The following TNS3 variants were observed in gnomAD, a reference collection of about 807,000 sequenced individuals.
The protein encoded by TNS3 is tensin 3, also known as tensin-3.
In TNS3, 45 loss-of-function variants were observed where a neutral mutation model predicts 140.9. The ratio of observed to expected loss-of-function variants is 0.32; its 90% CI spans 0.25 to 0.41. The LOEUF (loss-of-function observed/expected upper bound fraction) is 0.41, where lower values mean the gene tolerates loss of function less well. TNS3 is among the 10% of genes least tolerant of loss of function. TNS3 has a pLI of 1.00. For missense variants in TNS3, 1,716 were observed against 1,906.7 expected, an observed-to-expected ratio of 0.90 and a Z score of 1.86; for synonymous variants, 815 against 788.4, an observed-to-expected ratio of 1.03 and a Z score of -0.56.
In TNS3 at chr7:47,435,391, C is replaced by T; in HGVS notation, c.215G>A (p.Gly72Asp). The T allele has an allele frequency of 6.2e-7, 1 of 1,613,674 alleles. No homozygotes were observed. Among genetic ancestry groups the T allele is most frequent in the Non-Finnish European group, 8.5e-7 (1 of 1,179,964 alleles). The stretch of plus-strand genomic sequence containing the variant: ...GGGCGGTGCGTGGAGCTCTGGCCAG[C>T]CCACATCCATGATCTGCAACAAGAA... Reference protein sequence around the residue: ...TKLNPKIMDVGWPELHAPPLD... With the variant: ...TKLNPKIMDVDWPELHAPPLD... The change falls in exon 8 of 31, where the codon GGC becomes GAC. Residue 72 changes from glycine to aspartate, a missense_variant. Physicochemically the swap from Gly to Asp is moderately conservative, Grantham distance 94 (BLOSUM62 -1). This residue lies in a region of TNS3 where 337 missense variants were observed against 428.9 expected (regional missense o/e 0.79). Coordinates refer to ENST00000311160, the MANE Select transcript of TNS3 (RefSeq NM_022748.12).
chr7:47,385,452 T>A (rs1792020392), intron 16 of TNS3, among the ~76,000 whole-genome samples: 1 of 152,114 alleles, frequency 6.6e-6, no homozygotes, highest in African/African-American at 2.4e-5. Context: ...GCCATCCAAT[T>A]CAGCTCTGTA....
At chr7:47,575,478 C>G (rs997679513) in intron 1 of TNS3, among the ~76,000 whole-genome samples, 2 of 152,100 alleles carry the variant, frequency 1.3e-5, no homozygotes, top group Non-Finnish European at 2.9e-5. Flanking sequence ...GCACATATTA[C>G]AAGAAAACTA....
chr7:47,478,230 G>A (rs1460818555), intron 4 of TNS3, among the ~76,000 whole-genome samples: 1 of 152,102 alleles, frequency 6.6e-6, no homozygotes, highest in African/African-American at 2.4e-5. Flanking sequence ...CCGATCGCAG[G>A]GCCCCAGCAA....
chr7:47,479,835 G>A (rs1343630217), intron 4 of TNS3, among the ~76,000 whole-genome samples: 1 of 152,200 alleles, frequency 6.6e-6, no homozygotes, highest in Admixed American at 6.5e-5. Flanking sequence ...TCCGCAGCTA[G>A]GTTAGAGAGC....
chr7:47,534,142 C>T (rs1337505615), intron 1 of TNS3, among the ~76,000 whole-genome samples: 2 of 151,862 alleles, frequency 1.3e-5, no homozygotes, highest in African/African-American at 4.8e-5. Flanking sequence ...GGCGTGGTGG[C>T]GGGCACCCGT....
chr7:47,492,317 C>G (rs1375523769), intron 3 of TNS3, among the ~76,000 whole-genome samples: 4 of 152,244 alleles, frequency 2.6e-5, no homozygotes, highest in Non-Finnish European at 5.9e-5. Flanking sequence ...CGCAGGCCTT[C>G]ATGGAGGACA....
At chr7:47,354,171 T>C (rs1789850679) in intron 17 of TNS3, among the ~76,000 whole-genome samples, 1 of 152,140 alleles carries the variant, frequency 6.6e-6, no homozygotes, top group Non-Finnish European at 1.5e-5. Flanking sequence ...GCCTATATAT[T>C]TTTCTGTTCA....
At chr7:47,529,874 T>C (rs187182123) in intron 1 of TNS3, among the ~76,000 whole-genome samples, 208 of 152,380 alleles carry the variant, frequency 1.4e-3, no homozygotes, top group African/African-American at 4.9e-3. Context: ...ATTCTATCAG[T>C]ACTTAATATC....
intron 16 of TNS3, among the ~76,000 whole-genome samples, chr7:47,380,770 G>GCACACA (rs371316636): frequency 6.7e-6 from 1 of 150,362 alleles, no homozygotes; most frequent in African/African-American, 2.4e-5. Context: ...GCACGCGCGC[G>GCACACA]CACACACACA....
intron 10 of TNS3, among the ~76,000 whole-genome samples, chr7:47,417,285 G>A (rs1345933482): frequency 6.6e-6 from 1 of 152,252 alleles, no homozygotes; most frequent in Non-Finnish European, 1.5e-5. Flanking sequence ...CCATACTGTG[G>A]TCACACAGCT....
At chr7:47,507,456 G>C (rs75171583) in intron 2 of TNS3, among the ~76,000 whole-genome samples, 3,291 of 152,250 alleles carry the variant, frequency 0.022, 107 homozygotes, top group African/African-American at 0.074. Context: ...TGAGAAAGTC[G>C]TGCATCTGGA....
In TNS3 at chr7:47,277,733, T is replaced by C. The variant is rs113382178; in HGVS notation, c.*343A>G. ...GGGGATTCCTCATCCCCCGGAATGC[T>C]AGTGTGCCAGGGACATGGGGACCAC... On this transcript the variant is annotated 3_prime_UTR_variant, in exon 31 of 31. Coordinates refer to ENST00000311160, the MANE Select transcript of TNS3 (RefSeq NM_022748.12). 392 of 355,050 alleles carry C rather than the reference T, an allele frequency of 1.1e-3. 1 individual carries two copies. Among genetic ancestry groups the C allele is most frequent in the African/African-American group, 7.5e-3 (354 of 47,268 alleles). 22.0% of individuals were successfully genotyped at this position (355,050 alleles called of 1,614,324 possible).
intron 26 of TNS3, 46 bp from the exon 27 acceptor site, chr7:47,292,078 C>T (rs751807579): frequency 1.0e-5 from 16 of 1,581,576 alleles, no homozygotes; most frequent in Non-Finnish European, 1.3e-5. Flanking sequence ...CTGCTCCTGA[C>T]CAAGAATCCT....
chr7:47,567,593 C>T (rs1179048643), intron 1 of TNS3, among the ~76,000 whole-genome samples: 2 of 148,818 alleles, frequency 1.3e-5, no homozygotes, highest in Non-Finnish European at 3.0e-5. Flanking sequence ...CTGAGGCAGA[C>T]GAATGGAGTG....
chr7:47,405,195 A>G (rs1793375938), intron 13 of TNS3, among the ~76,000 whole-genome samples: 1 of 152,224 alleles, frequency 6.6e-6, no homozygotes, highest in African/African-American at 2.4e-5. Flanking sequence ...CCAGTCCCCA[A>G]TTCAGAAGTC....
At chr7:47,313,708 T>A (rs1302023804) in intron 20 of TNS3, among the ~76,000 whole-genome samples, 1 of 152,182 alleles carries the variant, frequency 6.6e-6, no homozygotes, top group Non-Finnish European at 1.5e-5. Context: ...CCCCATGCCA[T>A]GACTCAGAAG....
intron 16 of TNS3, among the ~76,000 whole-genome samples, chr7:47,392,755 G>A (rs372427379): frequency 6.6e-6 from 1 of 152,234 alleles, no homozygotes; most frequent in Non-Finnish European, 1.5e-5. Context: ...GCAGCACACC[G>A]GCCTCCATGC....
chr7:47,474,355 C>A (rs1005068006), intron 4 of TNS3, among the ~76,000 whole-genome samples: 1 of 149,268 alleles, frequency 6.7e-6, no homozygotes, highest in South Asian at 2.1e-4. Flanking sequence ...CCTCACAACA[C>A]ACACAAAACA....
intron 4 of TNS3, chr7:47,470,651 G>A (rs1323308655): frequency 5.1e-6 from 5 of 985,310 alleles, no homozygotes; most frequent in East Asian, 1.1e-4. Flanking sequence ...AACCACAGAC[G>A]CAGGTAATGG....
Sources: gnomAD v4.1 joint callset for allele counts (sites outside exome capture counted in the v4.1 genomes callset) on GRCh38, gnomAD v4.1.1 for gene constraint, gnomAD v4.1.1 regional missense constraint, MANE v1.5 for transcripts, NCBI Gene and HGNC (gene_info 2026-07-23, HGNC 2026-07-21) for gene names.